The following ADGRL3 variants were observed in gnomAD, a reference collection of about 807,000 sequenced individuals.
The protein encoded by ADGRL3 is adhesion G protein-coupled receptor L3, also known as calcium-independent alpha-latrotoxin receptor 3.
In ADGRL3, 62 loss-of-function variants were observed where a neutral mutation model predicts 153.5. The ratio of observed to expected loss-of-function variants is 0.40; its 90% CI spans 0.33 to 0.50. The LOEUF (loss-of-function observed/expected upper bound fraction) is 0.50. Ranked by LOEUF, ADGRL3 falls within the 20% of genes least tolerant of loss-of-function variation. ADGRL3 has a pLI of 0.47. For missense variants in ADGRL3, 1,641 were observed against 1,859.4 expected, an observed-to-expected ratio of 0.88 and a Z score of 2.16; for synonymous variants, 710 against 672.5, an observed-to-expected ratio of 1.06 and a Z score of -0.86.
intron 4 of ADGRL3, among the ~76,000 whole-genome samples, chr4:61,526,173 C>T (rs1470033711): frequency 1.3e-5 from 2 of 152,088 alleles, no homozygotes; most frequent in Admixed American, 1.3e-4. Context: ...AATGCTAATC[C>T]ACAGAAAGTT....
chr4:61,774,373 A>G (rs2097122585), intron 8 of ADGRL3, among the ~76,000 whole-genome samples: 1 of 150,812 alleles, frequency 6.6e-6, no homozygotes, highest in Non-Finnish European at 1.5e-5. Context: ...AAAAAAAAAG[A>G]AAGAAAAAGA....
At chr4:61,787,678 A>G (rs1017144921) in intron 8 of ADGRL3, among the ~76,000 whole-genome samples, 1 of 152,052 alleles carries the variant, frequency 6.6e-6, no homozygotes, top group African/African-American at 2.4e-5. Context: ...TTGTTTATGA[A>G]TACCCAGCCT....
chr4:61,282,908 G>C (rs2093782846), intron 1 of ADGRL3, among the ~76,000 whole-genome samples: 1 of 151,946 alleles, frequency 6.6e-6, no homozygotes, highest in Non-Finnish European at 1.5e-5. Context: ...TTAATATTTT[G>C]TTCATTGTTA....
intron 5 of ADGRL3, among the ~76,000 whole-genome samples, chr4:61,605,448 T>A (rs927930006): frequency 2.6e-5 from 4 of 152,180 alleles, no homozygotes; most frequent in South Asian, 2.1e-4. Flanking sequence ...GTGTCCACAA[T>A]AATACTAAAT....
intron 5 of ADGRL3, among the ~76,000 whole-genome samples, chr4:61,656,733 A>G (rs2094452382): frequency 6.6e-6 from 1 of 152,234 alleles, no homozygotes; most frequent in African/African-American, 2.4e-5. Flanking sequence ...TGTAGGATTT[A>G]GGGAGTTACA....
intron 15 of ADGRL3, among the ~76,000 whole-genome samples, chr4:61,939,605 G>C (rs1034841136): frequency 6.6e-6 from 1 of 152,062 alleles, no homozygotes; most frequent in Non-Finnish European, 1.5e-5. Context: ...GAGTAGCTGG[G>C]ATTACAAGCA....
chr4:61,566,769 AC>A (rs1183874572), intron 4 of ADGRL3, among the ~76,000 whole-genome samples: 1 of 152,126 alleles, frequency 6.6e-6, no homozygotes, highest in Non-Finnish European at 1.5e-5. Flanking sequence ...AAATTTGTAC[AC>A]ATTTACTATT....
intron 6 of ADGRL3, among the ~76,000 whole-genome samples, chr4:61,728,662 T>C (rs897506258): frequency 6.6e-6 from 1 of 152,068 alleles, no homozygotes; most frequent in Non-Finnish European, 1.5e-5. Context: ...TCTCTGTATT[T>C]ATCAGGAAGA....
intron 2 of ADGRL3, among the ~76,000 whole-genome samples, chr4:61,435,739 A>G (rs960917827): frequency 6.6e-6 from 1 of 152,062 alleles, no homozygotes; most frequent in Admixed American, 6.5e-5. Flanking sequence ...CATTCTCCAT[A>G]AAACAGTCAG....
chr4:61,903,379 G>A (rs2098675648), intron 11 of ADGRL3, among the ~76,000 whole-genome samples: 1 of 152,040 alleles, frequency 6.6e-6, no homozygotes, highest in African/African-American at 2.4e-5. Flanking sequence ...CTGAATTGTT[G>A]AATTCATATG....
At chr4:61,919,703 A>T (rs1033464462) in intron 13 of ADGRL3, among the ~76,000 whole-genome samples, 15 of 152,214 alleles carry the variant, frequency 9.9e-5, no homozygotes, top group African/African-American at 3.4e-4. Context: ...CTAATGATTT[A>T]AAAACTTCCA....
At chr4:61,528,360 A>T (rs2098587467) in intron 4 of ADGRL3, among the ~76,000 whole-genome samples, 1 of 152,046 alleles carries the variant, frequency 6.6e-6, no homozygotes, top group South Asian at 2.1e-4. Flanking sequence ...ATATGACAAC[A>T]CTATCATACC....
Position 61,770,323 on chromosome 4 carries a change from C to T in ADGRL3, c.1399+36769C>T, listed in dbSNP as rs191588860. 3.2e-4 allele frequency among the ~76,000 whole-genome samples: 49 copies of T among 152,000 alleles called. No individual in the cohort carries two copies. In the East Asian group the frequency reaches 5.2e-3, roughly 16 times the overall value. Reference sequence around the variant, plus strand: ...ACACTGAAGCAGTTTGTTTTCAAAACGCCTATTATTTTTTTTCCTTTTGTT... The same window carrying T: ...ACACTGAAGCAGTTTGTTTTCAAAATGCCTATTATTTTTTTTCCTTTTGTT... On this transcript the variant is annotated intron_variant, in intron 8 of 26. Coordinates refer to ENST00000683033, the MANE Select transcript of ADGRL3 (RefSeq NM_001387552.1).
chr4:61,319,995 G>A (rs1560469207), intron 1 of ADGRL3, among the ~76,000 whole-genome samples: 1 of 152,112 alleles, frequency 6.6e-6, no homozygotes, highest in African/African-American at 2.4e-5. Flanking sequence ...GTTAAATGAA[G>A]TCCTAAGGAT....
intron 8 of ADGRL3, among the ~76,000 whole-genome samples, chr4:61,795,631 C>T (rs1252793274): frequency 2.6e-5 from 4 of 152,142 alleles, no homozygotes; most frequent in East Asian, 1.9e-4. Flanking sequence ...TATCAACTAC[C>T]GTCTGCAAAT....
At chr4:61,903,650 CAAAAAAAAAAAAAAAAAA>C (rs55879235) in intron 11 of ADGRL3, among the ~76,000 whole-genome samples, 4 of 72,338 alleles carry the variant, frequency 5.5e-5, no homozygotes, top group African/African-American at 1.3e-4. Context: ...TGGGAAACAG[CAAAAAAAAAAAAAAAAAA>C]AAAAAAAAAA....
chr4:61,837,752 T>A (rs1400074874), intron 9 of ADGRL3, among the ~76,000 whole-genome samples: 1 of 152,102 alleles, frequency 6.6e-6, no homozygotes, highest in Non-Finnish European at 1.5e-5. Flanking sequence ...AACTGTGAAG[T>A]TCTTAGTGGC....
At chr4:61,454,368 A>G (rs1449610383) in intron 2 of ADGRL3, among the ~76,000 whole-genome samples, 1 of 152,154 alleles carries the variant, frequency 6.6e-6, no homozygotes, top group Non-Finnish European at 1.5e-5. Flanking sequence ...TTCATTTAGA[A>G]TAATATTCAG....
At chr4:61,535,570 A>T (rs2098650550) in intron 4 of ADGRL3, among the ~76,000 whole-genome samples, 1 of 151,754 alleles carries the variant, frequency 6.6e-6, no homozygotes, top group Admixed American at 6.6e-5. Flanking sequence ...TGGTCCTGGG[A>T]TTCTTCTTGT....
Sources: allele counts gnomAD v4.1 joint callset (sites outside exome capture counted in the v4.1 genomes callset), GRCh38; gene constraint gnomAD v4.1.1; transcripts MANE v1.5; gene names NCBI Gene and HGNC (gene_info 2026-07-23, HGNC 2026-07-21).